The following NCOA2 variants were observed in gnomAD, a reference collection of about 807,000 sequenced individuals.
The protein encoded by NCOA2 is class E basic helix-loop-helix protein 75.
Under a neutral mutation model 145.1 loss-of-function variants are expected in NCOA2, and 21 were observed. That is an observed-to-expected ratio of 0.14 (90% confidence interval 0.10 to 0.21). The LOEUF (loss-of-function observed/expected upper bound fraction) is 0.21. Among genes scored for constraint, NCOA2 ranks in the 10% least tolerant of loss-of-function variants. The pLI, the probability that NCOA2 is intolerant of heterozygous loss-of-function variation, is 1.00. For missense variants in NCOA2, 1,472 were observed against 1,837.6 expected (o/e 0.80, Z 3.64); for synonymous variants, 619 against 637.5 (o/e 0.97, Z 0.44).
intron 11 of NCOA2, among the ~76,000 whole-genome samples, chr8:70,150,616 G>A (rs550333156): frequency 6.6e-6 from 1 of 152,266 alleles, no homozygotes; most frequent in East Asian, 1.9e-4. Context: ...ATAACCATCT[G>A]TTCTTCCAGG....
chr8:70,128,251 A>G (rs1191402151), intron 18 of NCOA2, among the ~76,000 whole-genome samples, 182 bp downstream of exon 18: 1 of 152,230 alleles, frequency 6.6e-6, no homozygotes, highest in Non-Finnish European at 1.5e-5. Context: ...GTACCTGGCA[A>G]TAAAAATGGC....
rs184861822 is a variant in NCOA2 at position 70,155,908 on chromosome 8, T to C, written c.2394+63A>G. The C allele has an allele frequency of 7.5e-6, 10 of 1,325,058 alleles. No homozygotes were observed. The East Asian group carries it at 2.1e-4, about 28-fold the overall frequency. 82.1% of individuals were successfully genotyped at this position (1,325,058 alleles called of 1,614,324 possible). On this transcript the variant is annotated intron_variant, in intron 11 of 22. Transcript: ENST00000452400. Reference sequence around the variant, plus strand: ...ATCACCTGAGACTTCAAAATGCCCCTATGGAGAAAATCCTTGATGGATACA... The same window carrying C: ...ATCACCTGAGACTTCAAAATGCCCCCATGGAGAAAATCCTTGATGGATACA...
intron 22 of NCOA2, among the ~76,000 whole-genome samples, chr8:70,117,682 G>A (rs1023066124): frequency 1.3e-5 from 2 of 152,188 alleles, no homozygotes. Context: ...GAGGGTGCAG[G>A]GGTTAAGAAT....
intron 1 of NCOA2, among the ~76,000 whole-genome samples, chr8:70,330,785 G>A (rs751945451): frequency 9.9e-5 from 15 of 152,076 alleles, no homozygotes; most frequent in Admixed American, 7.9e-4. Context: ...TTATGCTTAC[G>A]CAATCTTAAA....
chr8:70,401,383 T>A (rs1423177514), intron 1 of NCOA2, among the ~76,000 whole-genome samples: 1 of 152,192 alleles, frequency 6.6e-6, no homozygotes, highest in Non-Finnish European at 1.5e-5. Flanking sequence ...TGTGTGGGAG[T>A]AATCTGGCAA....
At chr8:70,353,607 T>C (rs558988918) in intron 1 of NCOA2, among the ~76,000 whole-genome samples, 1 of 151,910 alleles carries the variant, frequency 6.6e-6, no homozygotes, top group Admixed American at 6.6e-5. Flanking sequence ...ACATCTTTAA[T>C]GGTAAAACTT....
intron 2 of NCOA2, among the ~76,000 whole-genome samples, chr8:70,240,510 A>AT (rs1822033020): frequency 6.6e-6 from 1 of 151,944 alleles, no homozygotes; most frequent in Non-Finnish European, 1.5e-5. Flanking sequence ...TTAGGGCCAC[A>AT]TTTTTTGCAT....
At chr8:70,365,779 C>A (rs917011377) in intron 1 of NCOA2, among the ~76,000 whole-genome samples, 5 of 152,090 alleles carry the variant, frequency 3.3e-5, no homozygotes, top group Admixed American at 2.0e-4. Context: ...CTAAGTTCTC[C>A]TTCACAATGA....
At chr8:70,146,919 G>A (rs758385368) in intron 12 of NCOA2, among the ~76,000 whole-genome samples, 6 of 151,972 alleles carry the variant, frequency 3.9e-5, no homozygotes, top group Non-Finnish European at 7.4e-5. Context: ...TTGAACTCCT[G>A]ACCTCAGGTG....
chr8:70,280,083 G>A (rs545205324), intron 2 of NCOA2, among the ~76,000 whole-genome samples: 4 of 152,154 alleles, frequency 2.6e-5, no homozygotes, highest in Admixed American at 6.6e-5. Context: ...GGCATTAAGA[G>A]ACTATACCTA....
chr8:70,326,709 T>C (rs1232752417), intron 1 of NCOA2, among the ~76,000 whole-genome samples: 1 of 152,164 alleles, frequency 6.6e-6, no homozygotes, highest in Non-Finnish European at 1.5e-5. Context: ...TACTTGACCA[T>C]TATACAGATT....
the NCOA2 span, among the ~76,000 whole-genome samples, chr8:70,445,624 C>G: frequency 6.6e-6 from 1 of 152,198 alleles, no homozygotes; most frequent in Non-Finnish European, 1.5e-5. Flanking sequence ...TCTCCACACT[C>G]ATTATAATAT....
intron 14 of NCOA2, among the ~76,000 whole-genome samples, chr8:70,139,670 T>G (rs1294629487): frequency 2.1e-5 from 3 of 141,680 alleles, no homozygotes; most frequent in Non-Finnish European, 3.0e-5. Context: ...TTTTTTTTTT[T>G]GAGGAGGAGT....
chr8:70,442,467 A>G, the NCOA2 span, among the ~76,000 whole-genome samples: 1 of 152,210 alleles, frequency 6.6e-6, no homozygotes, highest in Non-Finnish European at 1.5e-5. Context: ...ATTCTTGTAT[A>G]TTAACCTTTC....
chr8:70,280,190 T>C (rs977501186), intron 2 of NCOA2, among the ~76,000 whole-genome samples: 12 of 152,212 alleles, frequency 7.9e-5, no homozygotes, highest in African/African-American at 2.9e-4. Context: ...GTAGAAGCCA[T>C]AACCCCTTGC....
chr8:70,212,819 C>G (rs1248174232), intron 4 of NCOA2, among the ~76,000 whole-genome samples: 1 of 152,114 alleles, frequency 6.6e-6, no homozygotes, highest in African/African-American at 2.4e-5. Flanking sequence ...CGGTGGCTCA[C>G]GCCTGTAATC....
chr8:70,289,257 G>A (rs1041714552), intron 2 of NCOA2, among the ~76,000 whole-genome samples: 1 of 152,150 alleles, frequency 6.6e-6, no homozygotes, highest in African/African-American at 2.4e-5. Flanking sequence ...ACAAAGAATT[G>A]AAAAGTTGAG....
At position 70,162,692 on chromosome 8, in the gene NCOA2, A is replaced by G. The variant is rs1435092783; in HGVS notation, c.976+19T>C. 3.1e-6 allele frequency: 5 copies of G among 1,591,810 alleles called. 1 individual carries two copies. The South Asian group carries it at 3.4e-5, about 11-fold the overall frequency. ...CACAGGAAGCAATAATTTAAGAAAA[A>G]TCATTTAGAGATGCTTACCTTCATG... On this transcript the variant is annotated intron_variant, in intron 9 of 22. Transcript: ENST00000452400.
chr8:70,185,598 CA>C (rs2133103558), intron 4 of NCOA2, among the ~76,000 whole-genome samples: 2 of 152,254 alleles, frequency 1.3e-5, no homozygotes, highest in African/African-American at 4.8e-5. Flanking sequence ...TCTCTGTGGA[CA>C]GGGTCATGGG....
Sources: gnomAD v4.1 joint callset for allele counts (sites outside exome capture counted in the v4.1 genomes callset) on GRCh38, gnomAD v4.1.1 for gene constraint, MANE v1.5 for transcripts, NCBI Gene and HGNC (gene_info 2026-07-23, HGNC 2026-07-21) for gene names.